Variants in MAGI1 observed in about 807,000 individuals in gnomAD.
The protein encoded by MAGI1 is membrane associated guanylate kinase, WW and PDZ domain containing 1, also known as membrane-associated guanylate kinase, WW and PDZ domain-containing protein 1.
In MAGI1, 58 loss-of-function variants were observed where a neutral mutation model predicts 139.9. The ratio of observed to expected loss-of-function variants is 0.41; its 90% CI spans 0.34 to 0.52. The LOEUF is 0.52. Among genes scored for constraint, MAGI1 ranks in the 20% least tolerant of loss-of-function variants. The probability of loss-of-function intolerance (pLI) is 0.12; values close to 1 mark genes in which losing one functional copy is unlikely to be tolerated. For missense variants in MAGI1, 1,874 were observed against 1,901.6 expected (o/e 0.99, Z 0.27); for synonymous variants, 812 against 737.9 (o/e 1.10, Z -1.63).
At chr3:65,768,869 G>A (rs1012495758) in intron 1 of MAGI1, among the ~76,000 whole-genome samples, 3 of 152,024 alleles carry the variant, frequency 2.0e-5, no homozygotes, top group South Asian at 4.1e-4. Flanking sequence ...AAACTGCTCC[G>A]TACAGAGAAT....
chr3:65,454,859 A>G (rs925658161), intron 5 of MAGI1, among the ~76,000 whole-genome samples: 1 of 152,170 alleles, frequency 6.6e-6, no homozygotes, highest in African/African-American at 2.4e-5. Context: ...GACTGCCAGA[A>G]TCTGTTCTTA....
chr3:65,586,841 C>G (rs1019101269), intron 2 of MAGI1, among the ~76,000 whole-genome samples: 20 of 151,816 alleles, frequency 1.3e-4, no homozygotes, highest in African/African-American at 4.8e-4. Flanking sequence ...ATTCTGCATT[C>G]TGGAAAATGC....
intron 4 of MAGI1, among the ~76,000 whole-genome samples, chr3:65,477,775 A>G (rs1950989968): frequency 6.7e-6 from 1 of 149,964 alleles, no homozygotes; most frequent in Non-Finnish European, 1.5e-5. Context: ...ACTAGAGTGC[A>G]GTGGTGCAAT....
At chr3:65,728,075 G>A (rs1490610171) in intron 1 of MAGI1, among the ~76,000 whole-genome samples, 1 of 152,104 alleles carries the variant, frequency 6.6e-6, no homozygotes, top group Non-Finnish European at 1.5e-5. Flanking sequence ...CTAACATAAT[G>A]TATTGTCAGA....
chr3:65,359,383 G>C (rs1187109182), intron 22 of MAGI1: 1 of 1,312,056 alleles, frequency 7.6e-7, no homozygotes, highest in Non-Finnish European at 9.7e-7. Context: ...CAGCCATAAG[G>C]TGACTCGAGA....
Position 65,700,965 on chromosome 3 carries a change from A to C in MAGI1, c.314-78877T>G, listed in dbSNP as rs1387951674. On this transcript the variant is annotated intron_variant, in intron 1 of 22. Transcript: ENST00000402939. ...TAGAACATGAAGGCTGGGACCCCCA[A>C]ATCACTTATTCAACCGCCCCTTTTT... Among the ~76,000 whole-genome samples the C allele has an allele frequency of 2.0e-5, 3 of 152,262 alleles. No individual in the cohort carries two copies. In the East Asian group the frequency reaches 5.8e-4, roughly 29 times the overall value.
At chr3:65,708,052 A>C (rs997467194) in intron 1 of MAGI1, among the ~76,000 whole-genome samples, 2 of 152,220 alleles carry the variant, frequency 1.3e-5, no homozygotes, top group African/African-American at 4.8e-5. Context: ...ATAGTTCTAC[A>C]TATGTCCTAT....
chr3:65,587,323 A>G (rs955760591), intron 2 of MAGI1, among the ~76,000 whole-genome samples: 1 of 152,116 alleles, frequency 6.6e-6, no homozygotes, highest in African/African-American at 2.4e-5. Context: ...ATCTAACACA[A>G]AGCCTATTTT....
intron 2 of MAGI1, among the ~76,000 whole-genome samples, chr3:65,522,209 T>G (rs1328823326): frequency 6.6e-6 from 1 of 152,184 alleles, no homozygotes; most frequent in Admixed American, 6.5e-5. Context: ...AAAAGAATTC[T>G]TCACTGCAAG....
intron 2 of MAGI1, among the ~76,000 whole-genome samples, chr3:65,539,276 C>A (rs1423079442): frequency 1.3e-5 from 2 of 152,164 alleles, no homozygotes; most frequent in African/African-American, 4.8e-5. Context: ...GACATACATA[C>A]CAACTACCAT....
rs747071272 is a variant in MAGI1, at chr3:65,470,301, C to T, written c.941G>A (p.Gly314Glu). 5.6e-6 allele frequency: 9 copies of T among 1,609,332 alleles called. No homozygotes were observed. The highest frequency in any genetic ancestry group is 7.7e-6 in the Non-Finnish European group (9 of 1,175,972). ...ENWEMAYTENGEVYFIDHNTK... is the reference protein window; with the variant it reads ...ENWEMAYTENEEVYFIDHNTK... ...ACTTTACTCTATAAAATAGACTTCT[C>T]CATTTTCAGTATAGGCCATCTCCCA... is the stretch of plus-strand genomic sequence containing the variant. Residue 314 changes from glycine to glutamate, a missense_variant, in exon 5 of 23, where the codon GGA (glycine) becomes GAA (glutamate). By Grantham distance (98) the Gly-to-Glu change is moderately conservative (BLOSUM62 -2). This residue lies in a region of MAGI1 where 648 missense variants were observed against 598.1 expected (regional missense o/e 1.08). Transcript: ENST00000402939.
intron 2 of MAGI1, among the ~76,000 whole-genome samples, chr3:65,530,616 G>A (rs2078603552): frequency 8.3e-6 from 1 of 120,300 alleles, no homozygotes; most frequent in Admixed American, 9.7e-5. Context: ...ACATACGTAT[G>A]TGTGTGTGGT....
Position 65,957,211 on chromosome 3 carries a change from G to C in MAGI1, c.313+80785C>G, listed in dbSNP as rs77113887. ...TAAATGTAGATATATGCATGCTATA[G>C]TATTATACAGAAGTCAAAATGGGCT... is the stretch of plus-strand genomic sequence containing the variant. On this transcript the variant is annotated intron_variant, in intron 1 of 22. Coordinates refer to ENST00000402939, the MANE Select transcript of MAGI1 (RefSeq NM_001033057.2). Among the ~76,000 whole-genome samples, 1,308 of 152,024 alleles carry C rather than the reference G, an allele frequency of 8.6e-3. 16 individuals carry two copies. The highest frequency in any genetic ancestry group is 0.03 in the African/African-American group (1,239 of 41,470).
intron 1 of MAGI1, among the ~76,000 whole-genome samples, chr3:65,778,684 C>T (rs1291467203): frequency 1.3e-5 from 2 of 152,280 alleles, no homozygotes; most frequent in African/African-American, 2.4e-5. Context: ...ACCTACCTGG[C>T]TTTTGACTCT....
At chr3:65,854,500 C>T (rs1394315087) in intron 1 of MAGI1, among the ~76,000 whole-genome samples, 19 of 152,316 alleles carry the variant, frequency 1.2e-4, no homozygotes, top group Non-Finnish European at 2.6e-4. Context: ...CAGAAATTCC[C>T]ATGCCAGCGT....
chr3:65,477,612 T>C (rs746092390), intron 4 of MAGI1, among the ~76,000 whole-genome samples: 6 of 152,152 alleles, frequency 3.9e-5, no homozygotes, highest in Non-Finnish European at 7.4e-5. Flanking sequence ...TTGGAGTTAC[T>C]ATGTAAGGTC....
intron 1 of MAGI1, among the ~76,000 whole-genome samples, chr3:66,024,661 C>G (rs542851436): frequency 2.0e-5 from 3 of 152,232 alleles, no homozygotes; most frequent in African/African-American, 7.2e-5. Context: ...ACAAAATTAG[C>G]TGGGTGTGGT....
At chr3:65,728,935 T>C (rs2033893945) in intron 1 of MAGI1, among the ~76,000 whole-genome samples, 1 of 152,100 alleles carries the variant, frequency 6.6e-6, no homozygotes, top group Admixed American at 6.6e-5. Flanking sequence ...CACAAAATGA[T>C]CATTTACTGT....
intron 1 of MAGI1, among the ~76,000 whole-genome samples, chr3:66,016,585 T>C (rs1478533003): frequency 6.6e-6 from 1 of 152,100 alleles, no homozygotes; most frequent in Admixed American, 6.6e-5. Flanking sequence ...GCTGGAGACT[T>C]TGGGTAAGTG....
Sources: allele counts gnomAD v4.1 joint callset (sites outside exome capture counted in the v4.1 genomes callset), GRCh38; gene constraint gnomAD v4.1.1; regional missense constraint gnomAD v4.1.1; transcripts MANE v1.5; gene names NCBI Gene and HGNC (gene_info 2026-07-23, HGNC 2026-07-21).